The following OPCML variants were observed in gnomAD, a reference collection of about 807,000 sequenced individuals.
OPCML encodes the protein opioid-binding protein/cell adhesion molecule.
OPCML carries 13 observed loss-of-function variants against 37.8 expected under a neutral mutation model. The ratio of observed to expected loss-of-function variants is 0.34; its 90% CI spans 0.22 to 0.55. The LOEUF is 0.55. Ranked by LOEUF, OPCML falls within the 20% of genes least tolerant of loss-of-function variation. The pLI is 0.91. For synonymous variants in OPCML, 176 were observed against 168.8 expected (o/e 1.04, Z -0.33); for missense variants, 341 against 435.6 (o/e 0.78, Z 1.93).
chr11:132,934,247 G>A (rs910368226), intron 2 of OPCML, among the ~76,000 whole-genome samples: 4 of 152,140 alleles, frequency 2.6e-5, no homozygotes, highest in African/African-American at 9.7e-5. Context: ...TCGACCCTCA[G>A]AGAAGAGATC....
At chr11:132,478,287 A>G (rs1161844975) in intron 4 of OPCML, among the ~76,000 whole-genome samples, 2 of 152,272 alleles carry the variant, frequency 1.3e-5, no homozygotes, top group Non-Finnish European at 2.9e-5. Context: ...AGGTTAAAAT[A>G]CCATTTCTAA....
intron 1 of OPCML, among the ~76,000 whole-genome samples, chr11:133,435,560 C>T (rs779538531): frequency 1.5e-4 from 23 of 152,114 alleles, no homozygotes; most frequent in Non-Finnish European, 2.9e-5. Flanking sequence ...TAAATAACAT[C>T]CTCATTCATT....
At chr11:133,315,346 C>T (rs745435618) in intron 1 of OPCML, among the ~76,000 whole-genome samples, 1 of 152,192 alleles carries the variant, frequency 6.6e-6, no homozygotes, top group Non-Finnish European at 1.5e-5. Flanking sequence ...GCCTTGACCA[C>T]TGAGAGGACT....
At position 132,657,205 on chromosome 11, in the gene OPCML, T is replaced by G. The variant is rs781129630; in HGVS notation, c.261A>C (p.Thr87=). 1.4e-5 allele frequency: 22 copies of G among 1,614,238 alleles called. No homozygotes were observed. The East Asian group carries it at 4.9e-4, about 36-fold the overall frequency. The change falls in exon 3 of 8, where the codon ACA becomes ACC. Residue 87 remains threonine (T), a synonymous_variant. Coordinates refer to ENST00000524381, the MANE Select transcript of OPCML (RefSeq NM_001012393.5). ...GGATCATGATGCTGTACTGGGTTGG[T>G]GTATTGACCAGGATGATCACACGAG... ...IDPRVIILVN[T]PTQYSIMIQN...
At chr11:133,477,740 C>T (rs1247547681) in intron 1 of OPCML, among the ~76,000 whole-genome samples, 4 of 152,156 alleles carry the variant, frequency 2.6e-5, no homozygotes, top group African/African-American at 7.2e-5. Flanking sequence ...AGAGGAAGGA[C>T]TGGAGACTTT....
intron 2 of OPCML, among the ~76,000 whole-genome samples, chr11:132,796,565 CTTTTTT>C (rs71067396): frequency 5.6e-5 from 5 of 88,558 alleles, no homozygotes; most frequent in African/African-American, 2.3e-4. Context: ...TTTCTTCTTT[CTTTTTT>C]TTTTTTTTTT....
rs186714098 is a variant in OPCML at position 132,666,340 on chromosome 11, C to T, written c.147-9021G>A. ...AGAAAGACAGAGAGGAGATGCCAGG[C>T]TCTTAAACAACCAGCTCTCTTGTGA... On this transcript the variant is annotated intron_variant, in intron 2 of 7. Coordinates refer to ENST00000524381, the MANE Select transcript of OPCML (RefSeq NM_001012393.5). Among the ~76,000 whole-genome samples the T allele has an allele frequency of 7.9e-5, 12 of 152,202 alleles. No individual in the cohort carries two copies. The East Asian group carries it at 2.1e-3, about 27-fold the overall frequency.
At chr11:133,274,028 A>T (rs1014972833) in intron 1 of OPCML, among the ~76,000 whole-genome samples, 1 of 152,214 alleles carries the variant, frequency 6.6e-6, no homozygotes, top group African/African-American at 2.4e-5. Flanking sequence ...ACACATACAT[A>T]TATTTATCTA....
chr11:133,365,048 TCACACA>T (rs3220326), intron 1 of OPCML, among the ~76,000 whole-genome samples: 13,724 of 146,410 alleles, frequency 0.094, 1,086 homozygotes, highest in African/African-American at 0.22. Context: ...TCTCTCTCTT[TCACACA>T]CACACACACA....
chr11:133,054,455 G>A lies in OPCML; in HGVS notation c.62-111445C>T, dbSNP rs998912446. Reference sequence around the variant, plus strand: ...CTCCAGAAGTGCCACACTGGAACCAGGCTCAGAGCTTTTGTTGCTGCTGTT... The same window carrying A: ...CTCCAGAAGTGCCACACTGGAACCAAGCTCAGAGCTTTTGTTGCTGCTGTT... On this transcript the variant is annotated intron_variant, in intron 1 of 7. Transcript: ENST00000524381. Among the ~76,000 whole-genome samples the A allele has an allele frequency of 3.3e-5, 5 of 152,294 alleles. No individual in the cohort carries two copies. In the East Asian group the frequency reaches 5.8e-4, roughly 18 times the overall value.
chr11:133,448,748 C>T (rs1946522013), intron 1 of OPCML, among the ~76,000 whole-genome samples: 4 of 152,218 alleles, frequency 2.6e-5, no homozygotes, highest in Non-Finnish European at 5.9e-5. Context: ...TGAGCCACCT[C>T]ACCCAGTCCA....
chr11:132,984,673 C>T (rs899559361), intron 1 of OPCML, among the ~76,000 whole-genome samples: 6 of 152,140 alleles, frequency 3.9e-5, no homozygotes, highest in Non-Finnish European at 7.4e-5. Flanking sequence ...CAGCATCTTT[C>T]TTAGAACTCT....
intron 2 of OPCML, among the ~76,000 whole-genome samples, chr11:132,827,996 T>G (rs1476580501): frequency 6.6e-6 from 1 of 152,150 alleles, no homozygotes. Flanking sequence ...AACCAAGATG[T>G]CCTTCAATAG....
chr11:132,589,987 A>G (rs2096481735), intron 3 of OPCML, among the ~76,000 whole-genome samples: 1 of 152,152 alleles, frequency 6.6e-6, no homozygotes, highest in Non-Finnish European at 1.5e-5. Flanking sequence ...TGCTTTGGCC[A>G]GCTGGGCTTA....
intron 1 of OPCML, among the ~76,000 whole-genome samples, chr11:133,026,999 G>C (rs576339806): frequency 6.6e-6 from 1 of 152,286 alleles, no homozygotes; most frequent in East Asian, 1.9e-4. Context: ...GCCACAGAGG[G>C]CAGATGGGAA....
intron 1 of OPCML, among the ~76,000 whole-genome samples, chr11:133,044,646 C>G (rs1947973198): frequency 6.6e-6 from 1 of 152,212 alleles, no homozygotes; most frequent in African/African-American, 2.4e-5. Context: ...GAAGTAGGCA[C>G]TATGTTAATT....
At chr11:133,294,728 G>A (rs774487518) in intron 1 of OPCML, among the ~76,000 whole-genome samples, 1 of 151,410 alleles carries the variant, frequency 6.6e-6, no homozygotes, top group Admixed American at 6.6e-5. Flanking sequence ...CACCAAAAAG[G>A]GTAATGAATT....
intron 4 of OPCML, among the ~76,000 whole-genome samples, chr11:132,462,209 C>T (rs969753580): frequency 6.6e-6 from 1 of 152,094 alleles, no homozygotes; most frequent in African/African-American, 2.4e-5. Context: ...AGAATCCCCC[C>T]ACCGCACCGC....
intron 2 of OPCML, among the ~76,000 whole-genome samples, chr11:132,662,705 C>G (rs376815566): frequency 6.6e-6 from 1 of 152,202 alleles, no homozygotes; most frequent in East Asian, 1.9e-4. Flanking sequence ...TGGCCTCATG[C>G]CAGACGTTGA....
Sources: allele counts gnomAD v4.1 joint callset (sites outside exome capture counted in the v4.1 genomes callset), GRCh38; gene constraint gnomAD v4.1.1; transcripts MANE v1.5; gene names NCBI Gene and HGNC (gene_info 2026-07-23, HGNC 2026-07-21).